Variants in MLLT3 observed in about 807,000 individuals in gnomAD.
The protein encoded by MLLT3 is MLLT3 super elongation complex subunit.
A neutral mutation model predicts 53.2 loss-of-function variants in MLLT3; 4 were observed. That is an observed-to-expected ratio of 0.08 (90% CI 0.04 to 0.17). The LOEUF is 0.17. Ranked by LOEUF, MLLT3 falls within the 10% of genes least tolerant of loss-of-function variation. The pLI, the probability that MLLT3 is intolerant of heterozygous loss-of-function variation, is 1.00. For synonymous variants in MLLT3, 283 were observed against 230.6 expected, an observed-to-expected ratio of 1.23 and a Z score of -2.06; for missense variants, 569 against 684.0, an observed-to-expected ratio of 0.83 and a Z score of 1.87.
chr9:20,614,399 TGAAA>T (rs1193906260), intron 2 of MLLT3, among the ~76,000 whole-genome samples: 1 of 100,164 alleles, frequency 1.0e-5, no homozygotes, highest in Non-Finnish European at 1.9e-5. Flanking sequence ...TGTCCCAAAA[TGAAA>T]GAAGGAAGGA....
intron 5 of MLLT3, among the ~76,000 whole-genome samples, chr9:20,398,534 A>T (rs1822377510): frequency 1.3e-5 from 2 of 152,148 alleles, no homozygotes; most frequent in East Asian, 1.9e-4. Context: ...AGTCCCTTTT[A>T]CACGGTATAC....
intron 2 of MLLT3, among the ~76,000 whole-genome samples, chr9:20,579,369 T>A (rs1819732834): frequency 1.3e-5 from 2 of 151,508 alleles, no homozygotes; most frequent in African/African-American, 4.9e-5. Context: ...TAAGATTCCA[T>A]CTCTATTAAA....
chr9:20,614,945 T>C (rs1820788379), intron 2 of MLLT3, among the ~76,000 whole-genome samples: 1 of 136,880 alleles, frequency 7.3e-6, no homozygotes, highest in South Asian at 2.4e-4. Flanking sequence ...AACCAAGTGA[T>C]ATCCCTGCCT....
chr9:20,599,760 T>C (rs933808327), intron 2 of MLLT3, among the ~76,000 whole-genome samples: 2 of 152,094 alleles, frequency 1.3e-5, no homozygotes, highest in East Asian at 1.9e-4. Flanking sequence ...CACAGGACAA[T>C]AGGTATATAC....
At chr9:20,539,785 G>A (rs1818579344) in intron 2 of MLLT3, among the ~76,000 whole-genome samples, 1 of 152,074 alleles carries the variant, frequency 6.6e-6, no homozygotes, top group African/African-American at 2.4e-5. Context: ...ATTCCTTCAT[G>A]ACAGTCCCCG....
chr9:20,425,749 A>G (rs138215482), intron 4 of MLLT3, among the ~76,000 whole-genome samples: 1 of 152,100 alleles, frequency 6.6e-6, no homozygotes, highest in Non-Finnish European at 1.5e-5. Flanking sequence ...TCTACAAATT[A>G]TATTTATAAT....
At chr9:20,447,482 C>T (rs2118845660) in intron 4 of MLLT3, among the ~76,000 whole-genome samples, 1 of 152,302 alleles carries the variant, frequency 6.6e-6, no homozygotes, top group South Asian at 2.1e-4. Context: ...GTTTGTACAG[C>T]TGACCCAGCT....
intron 2 of MLLT3, among the ~76,000 whole-genome samples, chr9:20,574,345 T>G (rs1399492108): frequency 1.3e-5 from 2 of 152,186 alleles, no homozygotes; most frequent in Admixed American, 6.5e-5. Context: ...ACCACACATT[T>G]TAAAGAACAA....
chr9:20,459,809 CAT>C (rs1454402978), intron 2 of MLLT3, among the ~76,000 whole-genome samples: 2 of 152,040 alleles, frequency 1.3e-5, no homozygotes, highest in African/African-American at 4.8e-5. Context: ...TTTACCAATT[CAT>C]ATAATTATTT....
chr9:20,573,106 C>T (rs968864493), intron 2 of MLLT3, among the ~76,000 whole-genome samples: 1 of 147,262 alleles, frequency 6.8e-6, no homozygotes, highest in Non-Finnish European at 1.5e-5. Flanking sequence ...CAAAGTAAAA[C>T]TATCACAACA....
chr9:20,565,425 T>C (rs1430851505), intron 2 of MLLT3, among the ~76,000 whole-genome samples: 3 of 152,060 alleles, frequency 2.0e-5, no homozygotes, highest in African/African-American at 2.4e-5. Flanking sequence ...AAAGGAAAAC[T>C]TCTAGAGTAG....
intron 2 of MLLT3, among the ~76,000 whole-genome samples, chr9:20,587,398 C>A (rs12006514): frequency 6.6e-6 from 1 of 151,982 alleles, no homozygotes; most frequent in South Asian, 2.1e-4. Context: ...TTGGAAGTGA[C>A]GGAAACTTTT....
At chr9:20,545,433 G>C (rs1166204992) in intron 2 of MLLT3, among the ~76,000 whole-genome samples, 1 of 152,126 alleles carries the variant, frequency 6.6e-6, no homozygotes, top group Non-Finnish European at 1.5e-5. Flanking sequence ...TTGTTAGATG[G>C]GTACAGAGTT....
rs560955210 is a variant in MLLT3, at chr9:20,594,556, A to T, written c.193+26098T>A. On this transcript the variant is annotated intron_variant, in intron 2 of 10. Transcript: ENST00000380338. ...GGGGCTGGGTAAAATAAGGCTGAGA[A>T]TTACTGGGCTACATTCCCAGAAGAT... is the stretch of plus-strand genomic sequence containing the variant. Among the ~76,000 whole-genome samples, 4 of 152,300 alleles carry T rather than the reference A, an allele frequency of 2.6e-5. 1 individual carries two copies. Among genetic ancestry groups the T allele is most frequent in the African/African-American group, 9.6e-5 (4 of 41,558 alleles).
At chr9:20,493,588 T>G (rs368662452) in intron 2 of MLLT3, among the ~76,000 whole-genome samples, 3 of 152,150 alleles carry the variant, frequency 2.0e-5, no homozygotes, top group Admixed American at 6.6e-5. Context: ...TTATTTGTCA[T>G]AGGAAGATAA....
chr9:20,385,825 T>C (rs1822020731), intron 5 of MLLT3, among the ~76,000 whole-genome samples: 1 of 152,196 alleles, frequency 6.6e-6, no homozygotes, highest in African/African-American at 2.4e-5. Flanking sequence ...ATGATTCCAT[T>C]TTAATAATGT....
intron 2 of MLLT3, among the ~76,000 whole-genome samples, chr9:20,515,140 G>A (rs952949795): frequency 1.1e-4 from 16 of 151,926 alleles, no homozygotes; most frequent in Admixed American, 9.8e-4. Context: ...CAGAGATGGG[G>A]TTTCACTATG....
chr9:20,514,939 A>ATTTTTTT (rs35816235), intron 2 of MLLT3, among the ~76,000 whole-genome samples: 4 of 88,736 alleles, frequency 4.5e-5, no homozygotes, highest in Non-Finnish European at 6.2e-5. Context: ...TGAAGGAACA[A>ATTTTTTT]TTTTTTTTTT....
rs986854636 is a variant in MLLT3, at chr9:20,381,281, T to C, written c.1126-15537A>G. On this transcript the variant is annotated intron_variant, in intron 5 of 10. Transcript: ENST00000380338. ...TATAATATTAACTATTTGGACATCA[T>C]GTGATTGCATTTAATTTATAGACAT... Among the ~76,000 whole-genome samples the C allele has an allele frequency of 9.2e-5, 14 of 152,082 alleles. 1 individual carries two copies. The highest frequency in any genetic ancestry group is 5.8e-4 in the East Asian group (3 of 5,192).
Sources: gnomAD v4.1 joint callset for allele counts (sites outside exome capture counted in the v4.1 genomes callset) on GRCh38, gnomAD v4.1.1 for gene constraint, MANE v1.5 for transcripts, NCBI Gene and HGNC (gene_info 2026-07-23, HGNC 2026-07-21) for gene names.